Variants in SHC3 observed in about 807,000 individuals in gnomAD.
The protein encoded by SHC3 is SHC adaptor protein 3, also known as SHC-transforming protein 3.
In SHC3, 15 loss-of-function variants were observed where a neutral mutation model predicts 60.4. That is an observed-to-expected ratio of 0.25 (90% CI 0.17 to 0.38). The LOEUF (loss-of-function observed/expected upper bound fraction) is 0.38. SHC3 is among the 10% of genes least tolerant of loss of function. SHC3 has a pLI of 1.00. For synonymous variants in SHC3, 294 were observed against 325.9 expected, an observed-to-expected ratio of 0.90 and a Z score of 1.05; for missense variants, 677 against 786.1, an observed-to-expected ratio of 0.86 and a Z score of 1.66.
intron 6 of SHC3, among the ~76,000 whole-genome samples, chr9:89,062,781 G>T (rs1825112630): frequency 6.6e-6 from 1 of 152,192 alleles, no homozygotes; most frequent in African/African-American, 2.4e-5. Context: ...AGAATTTCTT[G>T]CTACTCTGCC....
chr9:89,110,860 C>T (rs1300965209), intron 2 of SHC3, among the ~76,000 whole-genome samples: 1 of 152,166 alleles, frequency 6.6e-6, no homozygotes, highest in Non-Finnish European at 1.5e-5. Context: ...CCTCCAAACC[C>T]ATCAGTGTCT....
chr9:89,053,181 G>T (rs1055104666), intron 6 of SHC3, among the ~76,000 whole-genome samples: 1 of 152,182 alleles, frequency 6.6e-6, no homozygotes, highest in African/African-American at 2.4e-5. Flanking sequence ...GGAATTCTCA[G>T]GAATTCCTGG....
At chr9:89,035,143 T>C (rs111970348) in intron 11 of SHC3, among the ~76,000 whole-genome samples, 1 of 152,212 alleles carries the variant, frequency 6.6e-6, no homozygotes, top group Non-Finnish European at 1.5e-5. Flanking sequence ...ACCTCCACGA[T>C]TGCGATGGCC....
chr9:89,026,041 C>T lies in SHC3; in HGVS notation c.1656+11952G>A, dbSNP rs182393121. Among the ~76,000 whole-genome samples the T allele has an allele frequency of 4.9e-4, 75 of 152,142 alleles. No homozygotes were observed. In the South Asian group the frequency reaches 6.0e-3, roughly 12 times the overall value. ...GGCGGACCACCTGAGGTCAGGAGTT[C>T]GAGACCAGCCTGGCCAACATGGTGA... On this transcript the variant is annotated intron_variant, in intron 11 of 11. Transcript: ENST00000375835.
At chr9:89,023,565 G>A (rs1404255743) in intron 11 of SHC3, among the ~76,000 whole-genome samples, 1 of 152,166 alleles carries the variant, frequency 6.6e-6, no homozygotes, top group African/African-American at 2.4e-5. Flanking sequence ...CTTGGGGGAG[G>A]TGGAACTTCT....
intron 1 of SHC3, among the ~76,000 whole-genome samples, chr9:89,141,652 C>T (rs534385433): frequency 2.0e-4 from 30 of 152,156 alleles, no homozygotes; most frequent in African/African-American, 6.5e-4. Context: ...CTGTTCTGGC[C>T]GGAGAAAAAT....
intron 1 of SHC3, among the ~76,000 whole-genome samples, chr9:89,176,486 A>G (rs549421138): frequency 1.3e-5 from 2 of 152,326 alleles, no homozygotes; most frequent in East Asian, 3.9e-4. Flanking sequence ...GCCAAGGTCT[A>G]TTTGTCTATT....
At chr9:89,108,459 T>A (rs1825897489) in intron 2 of SHC3, among the ~76,000 whole-genome samples, 1 of 152,032 alleles carries the variant, frequency 6.6e-6, no homozygotes, top group South Asian at 2.1e-4. Flanking sequence ...AGGCAGAGGT[T>A]GCAGTGAACC....
At chr9:89,114,567 A>G (rs144157847) in intron 1 of SHC3, among the ~76,000 whole-genome samples, 301 of 152,300 alleles carry the variant, frequency 2.0e-3, no homozygotes, top group Middle Eastern at 0.01. Context: ...CACAGGCTAC[A>G]TGTAAATACT....
At chr9:89,064,321 G>A (rs1454619992) in intron 6 of SHC3, among the ~76,000 whole-genome samples, 3 of 151,986 alleles carry the variant, frequency 2.0e-5, no homozygotes, top group Non-Finnish European at 4.4e-5. Context: ...CTGCATCACA[G>A]GTCTGGCATT....
chr9:89,024,227 T>G (rs966763844), intron 11 of SHC3, among the ~76,000 whole-genome samples: 1 of 152,240 alleles, frequency 6.6e-6, no homozygotes, highest in Non-Finnish European at 1.5e-5. Context: ...CTTTCTCTCC[T>G]GGGTGCACAA....
intron 11 of SHC3, 88 bp downstream of exon 11, chr9:89,037,905 A>C: frequency 1.3e-6 from 2 of 1,485,996 alleles, no homozygotes; most frequent in Non-Finnish European, 1.8e-6. Context: ...AGAGGTGGGA[A>C]TGTGGAGGGC....
intron 1 of SHC3, among the ~76,000 whole-genome samples, chr9:89,166,928 G>C (rs933679132): frequency 1.1e-4 from 16 of 152,314 alleles, no homozygotes; most frequent in Admixed American, 8.5e-4. Context: ...CCTTGAGGTT[G>C]AATCCACTGT....
chr9:89,145,862 A>C (rs1826460849), intron 1 of SHC3, among the ~76,000 whole-genome samples: 1 of 152,236 alleles, frequency 6.6e-6, no homozygotes, highest in Non-Finnish European at 1.5e-5. Flanking sequence ...CTTACATTTA[A>C]TATGGTTAAA....
intron 2 of SHC3, among the ~76,000 whole-genome samples, chr9:89,086,698 C>G (rs529072076): frequency 6.6e-6 from 1 of 152,310 alleles, no homozygotes; most frequent in South Asian, 2.1e-4. Context: ...AAGTCCCAAC[C>G]TCTAACCCTG....
chr9:89,038,345 A>AT, intron 10 of SHC3, 57 bp from the exon 11 acceptor site: 1 of 150,066 alleles, frequency 6.7e-6, no homozygotes, highest in South Asian at 1.9e-4. Context: ...CAAATGATAA[A>AT]AAAAAAAAAA....
chr9:89,108,685 A>AT (rs1217684667), intron 2 of SHC3, among the ~76,000 whole-genome samples: 1 of 152,150 alleles, frequency 6.6e-6, no homozygotes, highest in Non-Finnish European at 1.5e-5. Context: ...GTCTACATTG[A>AT]TTTCTTTACC....
At chr9:89,032,891 T>C (rs1028126934) in intron 11 of SHC3, among the ~76,000 whole-genome samples, 4 of 152,220 alleles carry the variant, frequency 2.6e-5, no homozygotes, top group Non-Finnish European at 2.9e-5. Flanking sequence ...ATTGCCTATT[T>C]TGGTGTCCCC....
intron 2 of SHC3, among the ~76,000 whole-genome samples, chr9:89,085,577 G>T (rs1210723566): frequency 6.6e-6 from 1 of 152,222 alleles, no homozygotes; most frequent in East Asian, 1.9e-4. Flanking sequence ...TGAGACAATA[G>T]AATTCCGAAT....
Sources: gnomAD v4.1 joint callset for allele counts (sites outside exome capture counted in the v4.1 genomes callset) on GRCh38, gnomAD v4.1.1 for gene constraint, MANE v1.5 for transcripts, NCBI Gene and HGNC (gene_info 2026-07-23, HGNC 2026-07-21) for gene names.